Variants in CCDC34 observed in about 807,000 individuals in gnomAD.
CCDC34 encodes the protein coiled-coil domain containing 34, also known as coiled-coil domain-containing protein 34.
Under a neutral mutation model 44.1 loss-of-function variants are expected in CCDC34, and 40 were observed. The ratio of observed to expected loss-of-function variants is 0.91; its 90% CI spans 0.70 to 1.18. The LOEUF is 1.18. Ranked by LOEUF, CCDC34 falls within the 50% of genes most tolerant of loss-of-function variation. The pLI is 0.00. For missense variants in CCDC34, 466 were observed against 452.3 expected (o/e 1.03, Z -0.28); for synonymous variants, 159 against 158.2 (o/e 1.01, Z -0.04).
rs769513046 is a variant in CCDC34 at position 27,339,075 on chromosome 11, T to C, written c.908-40A>G. The C allele has an allele frequency of 3.4e-6, 5 of 1,456,206 alleles. No individual in the cohort carries two copies. The Admixed American group carries it at 1.1e-4, about 31-fold the overall frequency. The allele number at this position is 1,456,206 out of a possible 1,614,324, so 90.2% of individuals were successfully genotyped here. A position where few individuals can be genotyped will look rare whatever the true frequency, so the allele number is the denominator to read the frequency against. ...AAATCAGATCAAAACAAGGAAAAAC[T>C]TTCTTGACATCAAAGAAGCCACTTA... On this transcript the variant is annotated intron_variant, in intron 5 of 5. Coordinates refer to ENST00000328697, the MANE Select transcript of CCDC34 (RefSeq NM_030771.2).
chr11:27,344,377 T>C (rs2100953), intron 3 of CCDC34, among the ~76,000 whole-genome samples: 41,564 of 149,542 alleles, frequency 0.28, 6,310 homozygotes, highest in Non-Finnish European at 0.36. Context: ...CTGCATGTTA[T>C]AAACACATGC....
At chr11:27,360,994 T>C (rs1181714644) in intron 1 of CCDC34, among the ~76,000 whole-genome samples, 1 of 152,186 alleles carries the variant, frequency 6.6e-6, no homozygotes, top group Non-Finnish European at 1.5e-5. Context: ...AAGTGCTAAG[T>C]TTCTGAAGCA....
At chr11:27,352,925 C>A (rs557311884) in intron 2 of CCDC34, among the ~76,000 whole-genome samples, 1 of 152,280 alleles carries the variant, frequency 6.6e-6, no homozygotes, top group East Asian at 1.9e-4. Flanking sequence ...CCAAGTCTGG[C>A]CCTTCTTAGA....
chr11:27,350,356 T>G lies in CCDC34; in HGVS notation c.582A>C (p.Glu194Asp). The G allele has an allele frequency of 6.2e-7, 1 of 1,613,996 alleles. No individual in the cohort carries two copies. The highest frequency in any genetic ancestry group is 1.1e-5 in the South Asian group (1 of 91,032). ...CTTGCTCATTCTTTTTCTGAACCCATTCCTTGTGCTTTTCTTCAGCAATTA... is the reference window on the plus strand; with the variant it reads ...CTTGCTCATTCTTTTTCTGAACCCAGTCCTTGTGCTTTTCTTCAGCAATTA... The part of the protein sequence containing the change: ...RKIIAEEKHK[E>D]WVQKKNEQKR... The change falls in exon 3 of 6, where the codon GAA (glutamate) becomes GAC (aspartate). Residue 194 changes from glutamate to aspartate, a missense_variant. By Grantham distance (45) the Glu-to-Asp change is conservative. Coordinates refer to ENST00000328697, the MANE Select transcript of CCDC34 (RefSeq NM_030771.2).
rs12364852 is a variant in CCDC34 at position 27,350,364 on chromosome 11, G to T, written c.574C>A (p.His192Asn). The T allele has an allele frequency of 6.3e-4, 1,009 of 1,613,430 alleles. No individual in the cohort carries two copies. Among genetic ancestry groups the T allele is most frequent in the Non-Finnish European group, 7.9e-4 (929 of 1,179,808 alleles). The change falls in exon 3 of 6, where the codon CAC becomes AAC. Residue 192 changes from histidine (H) to asparagine (N), a missense_variant. Transcript: ENST00000328697. ...TTCTTTTTCTGAACCCATTCCTTGTGCTTTTCTTCAGCAATTATCTTTCTT... is the reference window on the plus strand; with the variant it reads ...TTCTTTTTCTGAACCCATTCCTTGTTCTTTTCTTCAGCAATTATCTTTCTT... ...EKRKIIAEEK[H>N]KEWVQKKNEQ...
At chr11:27,361,789 T>C (rs964964360) in intron 1 of CCDC34, among the ~76,000 whole-genome samples, 9 of 152,220 alleles carry the variant, frequency 5.9e-5, no homozygotes, top group African/African-American at 1.9e-4. Flanking sequence ...ACATAAAGCA[T>C]GAGTTCTCTG....
intron 3 of CCDC34, among the ~76,000 whole-genome samples, chr11:27,345,223 G>T (rs117073102): frequency 6.6e-6 from 1 of 152,288 alleles, no homozygotes; most frequent in Non-Finnish European, 1.5e-5. Flanking sequence ...AAGCTATAAA[G>T]CTTCTGGAAG....
In CCDC34 at chr11:27,357,936, A is replaced by T. The variant is rs11029972; in HGVS notation, c.360-395T>A. Among the ~76,000 whole-genome samples, 122 of 152,318 alleles carry T rather than the reference A, an allele frequency of 8.0e-4. 2 individuals are homozygous for T. In the East Asian group the frequency reaches 0.021, roughly 26 times the overall value. On this transcript the variant is annotated intron_variant, in intron 1 of 5. Coordinates refer to ENST00000328697, the MANE Select transcript of CCDC34 (RefSeq NM_030771.2). ...GCAGACTCTTCCCTTTCCCGCCCTTAAGTAGTTCAGGAAAAAAAGATTATG... is the reference window on the plus strand; with the variant it reads ...GCAGACTCTTCCCTTTCCCGCCCTTTAGTAGTTCAGGAAAAAAAGATTATG...
At chr11:27,358,944 T>C (rs1392722558) in intron 1 of CCDC34, among the ~76,000 whole-genome samples, 2 of 146,660 alleles carry the variant, frequency 1.4e-5, no homozygotes, top group African/African-American at 2.5e-5. Flanking sequence ...CACCTGCTCC[T>C]TGTCAACATG....
intron 3 of CCDC34, among the ~76,000 whole-genome samples, chr11:27,347,642 T>C (rs963595680): frequency 1.3e-5 from 2 of 152,188 alleles, no homozygotes; most frequent in Non-Finnish European, 2.9e-5. Context: ...TATTCTATCA[T>C]TCCATTTATA....
chr11:27,356,342 A>G lies in CCDC34; in HGVS notation c.498+1061T>C, dbSNP rs1298244467. 2.6e-5 allele frequency among the ~76,000 whole-genome samples: 4 copies of G among 151,950 alleles called. No homozygotes were observed. In the East Asian group the frequency reaches 7.7e-4, roughly 29 times the overall value. On this transcript the variant is annotated intron_variant, in intron 2 of 5. Coordinates refer to ENST00000328697, the MANE Select transcript of CCDC34 (RefSeq NM_030771.2). Reference sequence around the variant, plus strand: ...ATTCCCAGGATTTTTTTTTAGCAACAGTTACTAATAGACTGAAACATCCAA... The same window carrying G: ...ATTCCCAGGATTTTTTTTTAGCAACGGTTACTAATAGACTGAAACATCCAA...
At chr11:27,345,358 A>G (rs1328131482) in intron 3 of CCDC34, among the ~76,000 whole-genome samples, 1 of 152,146 alleles carries the variant, frequency 6.6e-6, no homozygotes, top group Non-Finnish European at 1.5e-5. Flanking sequence ...ATATGTATAC[A>G]TGTGCCATGT....
At chr11:27,358,679 C>T (rs897329098) in intron 1 of CCDC34, among the ~76,000 whole-genome samples, 4 of 152,170 alleles carry the variant, frequency 2.6e-5, no homozygotes, top group African/African-American at 9.7e-5. Context: ...GTTTCAACTA[C>T]CACTACATGC....
At chr11:27,348,241 A>G (rs369320938) in intron 3 of CCDC34, among the ~76,000 whole-genome samples, 2 of 152,230 alleles carry the variant, frequency 1.3e-5, no homozygotes, top group African/African-American at 4.8e-5. Context: ...CTGAGTAAAT[A>G]TTTGTTGAAA....
intron 4 of CCDC34, 24 bp from the exon 5 acceptor site, chr11:27,340,861 T>A: frequency 6.2e-7 from 1 of 1,605,954 alleles, no homozygotes; most frequent in Non-Finnish European, 8.5e-7. Context: ...GACCAAAATA[T>A]TTCCAGGGAT....
intron 5 of CCDC34, 32 bp downstream of exon 5, chr11:27,340,664 A>G (rs1486410199): frequency 6.4e-7 from 1 of 1,572,704 alleles, no homozygotes; most frequent in East Asian, 2.3e-5. Context: ...TGCAAACCAT[A>G]TTTATGTAAG....
At chr11:27,354,849 A>T (rs183089023) in intron 2 of CCDC34, among the ~76,000 whole-genome samples, 7 of 152,264 alleles carry the variant, frequency 4.6e-5, no homozygotes, top group Admixed American at 4.6e-4. Flanking sequence ...ACAGAGTGAG[A>T]CCCTGTCTCA....
At chr11:27,358,239 T>C (rs1171587375) in intron 1 of CCDC34, among the ~76,000 whole-genome samples, 1 of 151,860 alleles carries the variant, frequency 6.6e-6, no homozygotes, top group Non-Finnish European at 1.5e-5. Flanking sequence ...TAAGGAAAAA[T>C]AACAATTCAG....
chr11:27,348,532 A>G (rs577618861), intron 3 of CCDC34, among the ~76,000 whole-genome samples: 7 of 152,202 alleles, frequency 4.6e-5, no homozygotes, highest in Non-Finnish European at 8.8e-5. Flanking sequence ...CAGTCATATT[A>G]TAAGAAACTA....
Sources: allele counts gnomAD v4.1 joint callset (sites outside exome capture counted in the v4.1 genomes callset), GRCh38; gene constraint gnomAD v4.1.1; transcripts MANE v1.5; gene names NCBI Gene and HGNC (gene_info 2026-07-23, HGNC 2026-07-21).